CACNA1B: variants seen among roughly 807,000 people sequenced by gnomAD.
CACNA1B encodes calcium voltage-gated channel subunit alpha1 B, also known as voltage-dependent N-type calcium channel subunit alpha-1B.
In CACNA1B, 70 loss-of-function variants were observed where a neutral mutation model predicts 247.2. The observed-to-expected ratio is 0.28, with a 90% confidence interval of 0.23 to 0.35. The LOEUF (loss-of-function observed/expected upper bound fraction) is 0.35, where lower values mean the gene tolerates loss of function less well. CACNA1B is among the 10% of genes least tolerant of loss of function. The pLI is 1.00. For missense variants in CACNA1B, 2,367 were observed against 3,197.4 expected, an observed-to-expected ratio of 0.74 and a Z score of 6.26; for synonymous variants, 1,231 against 1,294.4, an observed-to-expected ratio of 0.95 and a Z score of 1.05.
chr9:137,956,787 CGAG>C lies in CACNA1B; in HGVS notation c.1209_1211del (p.Glu403del). The C allele has an allele frequency of 6.2e-7, 1 of 1,613,730 alleles. No individual in the cohort carries two copies. The highest frequency in any genetic ancestry group is 8.5e-7 in the Non-Finnish European group (1 of 1,179,760). On this transcript the variant is annotated inframe_deletion, in exon 9 of 47. Transcript: ENST00000371372. ...CCCTCGCAGAGGAAGTCATGCTGGCCGAGGAGGACAGGAATGCAGAGGAGAAGT... is the reference window on the plus strand; with the variant it reads ...CCCTCGCAGAGGAAGTCATGCTGGCCGAGGACAGGAATGCAGAGGAGAAGT...
intron 18 of CACNA1B, among the ~76,000 whole-genome samples, chr9:138,016,734 A>G (rs558100947): frequency 4.6e-4 from 70 of 152,192 alleles, no homozygotes; most frequent in African/African-American, 1.7e-3. Context: ...CCCCATCTTG[A>G]GGGCCGGGAG....
intron 16 of CACNA1B, among the ~76,000 whole-genome samples, chr9:138,008,971 C>T (rs991133307): frequency 8.5e-5 from 13 of 152,222 alleles, no homozygotes; most frequent in African/African-American, 2.4e-4. Flanking sequence ...CCCCCAATGG[C>T]CAGGGTCTGG....
intron 32 of CACNA1B, 79 bp downstream of exon 32, chr9:138,069,842 G>C: frequency 7.7e-7 from 1 of 1,304,034 alleles, no homozygotes; most frequent in Non-Finnish European, 1.1e-6. Context: ...CTGGTTCCTG[G>C]GACTCCAGCC....
intron 6 of CACNA1B, among the ~76,000 whole-genome samples, chr9:137,935,434 C>T (rs1216944084): frequency 6.6e-6 from 1 of 152,200 alleles, no homozygotes. Flanking sequence ...GACATGAAAT[C>T]ATCCTTTTTT....
chr9:137,945,403 C>T (rs971903066), intron 6 of CACNA1B, among the ~76,000 whole-genome samples: 1 of 152,212 alleles, frequency 6.6e-6, no homozygotes, highest in Non-Finnish European at 1.5e-5. Flanking sequence ...TTCCCAAGGG[C>T]ATCCCCACCT....
At chr9:138,000,630 C>T (rs944282994) in intron 15 of CACNA1B, among the ~76,000 whole-genome samples, 5 of 152,096 alleles carry the variant, frequency 3.3e-5, no homozygotes, top group African/African-American at 1.2e-4. Flanking sequence ...GGGATGAAAT[C>T]ATTTCATGAG....
chr9:137,912,622 T>C (rs1020068355), intron 3 of CACNA1B, among the ~76,000 whole-genome samples: 7 of 152,178 alleles, frequency 4.6e-5, no homozygotes, highest in African/African-American at 1.7e-4. Context: ...GATATGTTTT[T>C]TTGCTAATAG....
rs1957394538 is a variant in CACNA1B, at chr9:137,914,978, C to T, written c.775+172C>T. Reference sequence around the variant, plus strand: ...AGCCTGATAAACACAAGTAAATAAACACAGAAATATAATAATTATCGATTG... The same window carrying T: ...AGCCTGATAAACACAAGTAAATAAATACAGAAATATAATAATTATCGATTG... On this transcript the variant is annotated intron_variant, in intron 5 of 46. Transcript: ENST00000371372. This position sits in a 1 kb window ranked among gnomAD's most constrained non-coding sequence, Gnocchi z 4.3. Among the ~76,000 whole-genome samples the T allele has an allele frequency of 6.6e-6, 1 of 152,234 alleles. No homozygotes were observed. Among genetic ancestry groups the T allele is most frequent in the Admixed American group, 6.5e-5 (1 of 15,284 alleles).
intron 15 of CACNA1B, among the ~76,000 whole-genome samples, chr9:138,000,363 G>T (rs548264704): frequency 6.6e-6 from 1 of 152,184 alleles, no homozygotes; most frequent in Non-Finnish European, 1.5e-5. Context: ...CTCCCAAAGT[G>T]CTGGGATTAC....
At position 137,914,503 on chromosome 9, in the gene CACNA1B, G is replaced by T; in HGVS notation, c.623-151G>T. 1 of 634,396 alleles carries T rather than the reference G, an allele frequency of 1.6e-6. No individual in the cohort carries two copies. The highest frequency in any genetic ancestry group is 2.8e-5 in the Admixed American group (1 of 35,230). 39.3% of individuals were successfully genotyped at this position (634,396 alleles called of 1,614,324 possible). On this transcript the variant is annotated intron_variant, in intron 4 of 46. Coordinates refer to ENST00000371372, the MANE Select transcript of CACNA1B (RefSeq NM_000718.4). This position sits in a 1 kb window ranked among gnomAD's most constrained non-coding sequence, Gnocchi z 4.3. The stretch of plus-strand genomic sequence containing the variant: ...CTCTCTGCCCCTCTGCGCCTTAAGG[G>T]GCTTCAGCTCTATCCTTTGCCCTTG...
At chr9:138,065,249 T>C (rs562354462) in intron 31 of CACNA1B, among the ~76,000 whole-genome samples, 6 of 152,190 alleles carry the variant, frequency 3.9e-5, no homozygotes, top group Non-Finnish European at 7.4e-5. Flanking sequence ...ATACCCGTTA[T>C]ATCACACAGC....
intron 6 of CACNA1B, among the ~76,000 whole-genome samples, chr9:137,923,016 C>G (rs1004394429): frequency 1.3e-5 from 2 of 152,236 alleles, no homozygotes; most frequent in African/African-American, 4.8e-5. Context: ...GAGAATGTTA[C>G]GTGGACAAAA....
At chr9:138,083,039 G>A (rs62580951) in intron 36 of CACNA1B, among the ~76,000 whole-genome samples, 25,541 of 150,076 alleles carry the variant, frequency 0.17, 2,901 homozygotes, top group East Asian at 0.38. Flanking sequence ...TCGGACACCT[G>A]CAGACCCTAC....
rs555032922 is a variant in CACNA1B, at chr9:137,943,645, G to A, written c.967-8629G>A. Among the ~76,000 whole-genome samples the A allele has an allele frequency of 1.6e-4, 24 of 152,260 alleles. No individual in the cohort carries two copies. The South Asian group carries it at 2.5e-3, about 16-fold the overall frequency. On this transcript the variant is annotated intron_variant, in intron 6 of 46. Transcript: ENST00000371372. ...GACAAAGAGTATATTTGGAAGAAGG[G>A]GTCAGGGGGCTCCTTGCTTCTAGTG...
chr9:138,042,034 G>A (rs561052989), intron 20 of CACNA1B, among the ~76,000 whole-genome samples: 7 of 152,258 alleles, frequency 4.6e-5, no homozygotes, highest in South Asian at 4.1e-4. Flanking sequence ...GCCTCCCAAC[G>A]TGCTGGGATT....
At chr9:138,082,020 A>C (rs1960537043) in intron 36 of CACNA1B, among the ~76,000 whole-genome samples, 2 of 151,224 alleles carry the variant, frequency 1.3e-5, no homozygotes, top group African/African-American at 4.9e-5. Context: ...TAAATAACTA[A>C]ATGTAAGAGC....
At chr9:137,879,562 G>C (rs1223881650) in intron 2 of CACNA1B, among the ~76,000 whole-genome samples, 1 of 152,268 alleles carries the variant, frequency 6.6e-6, no homozygotes, top group African/African-American at 2.4e-5. Context: ...CTTTGGCCTG[G>C]ATGTGGGAAC....
intron 20 of CACNA1B, among the ~76,000 whole-genome samples, chr9:138,033,471 G>A (rs1004753692): frequency 6.6e-6 from 1 of 152,200 alleles, no homozygotes; most frequent in South Asian, 2.1e-4. Flanking sequence ...TTGAAACCTA[G>A]ACTCTCAGTG....
intron 20 of CACNA1B, among the ~76,000 whole-genome samples, chr9:138,026,075 C>T (rs7044797): frequency 0.14 from 21,936 of 152,070 alleles, 4,324 homozygotes; most frequent in African/African-American, 0.45. Flanking sequence ...CAGATGCATC[C>T]GCACACACAG....
Sources: gnomAD v4.1 joint callset for allele counts (sites outside exome capture counted in the v4.1 genomes callset) on GRCh38, gnomAD v4.1.1 for gene constraint, Gnocchi (gnomAD v3.1) non-coding constraint, MANE v1.5 for transcripts, NCBI Gene and HGNC (gene_info 2026-07-23, HGNC 2026-07-21) for gene names.